CDYL: variants seen among roughly 807,000 people sequenced by gnomAD.
The protein encoded by CDYL is chromodomain Y-like protein.
Under a neutral mutation model 47.3 loss-of-function variants are expected in CDYL, and 8 were observed. The ratio of observed to expected loss-of-function variants is 0.17; its 90% confidence interval spans 0.10 to 0.31. The LOEUF (loss-of-function observed/expected upper bound fraction) is 0.31. CDYL is among the 10% of genes least tolerant of loss of function. The pLI, the probability that CDYL is intolerant of heterozygous loss-of-function variation, is 1.00. For synonymous variants in CDYL, 266 were observed against 265.0 expected, an observed-to-expected ratio of 1.00 and a Z score of -0.04; for missense variants, 471 against 701.4, an observed-to-expected ratio of 0.67 and a Z score of 3.71.
At chr6:4,819,162 C>CTCTCTCTGTGTGTGTGTGTG (rs1016051589) in intron 1 of CDYL, among the ~76,000 whole-genome samples, 2 of 112,002 alleles carry the variant, frequency 1.8e-5, no homozygotes, top group African/African-American at 9.6e-5. Flanking sequence ...CTCTCTCTCT[C>CTCTCTCTGTGTGTGTGTGTG]TGTGTGTGTG....
chr6:4,732,250 G>C (rs1030706359), intron 2 of CDYL, among the ~76,000 whole-genome samples: 1 of 152,100 alleles, frequency 6.6e-6, no homozygotes, highest in Admixed American at 6.6e-5. Context: ...CGGGAGGATT[G>C]CTTGAGCCCC....
intron 2 of CDYL, among the ~76,000 whole-genome samples, chr6:4,907,050 G>C (rs13212871): frequency 0.086 from 13,052 of 152,236 alleles, 948 homozygotes; most frequent in African/African-American, 0.19. Context: ...CTTGATTATA[G>C]AGTCTGTGTA....
intron 1 of CDYL, among the ~76,000 whole-genome samples, chr6:4,860,314 C>T (rs536426115): frequency 2.6e-5 from 4 of 151,608 alleles, no homozygotes; most frequent in Non-Finnish European, 4.4e-5. Context: ...TTGTTACCAC[C>T]GGTTCTTGCC....
chr6:4,944,920 T>C (rs1758466525), intron 5 of CDYL, among the ~76,000 whole-genome samples: 1 of 152,098 alleles, frequency 6.6e-6, no homozygotes, highest in Non-Finnish European at 1.5e-5. Flanking sequence ...CCTTCGTCGC[T>C]GCGTGGGATT....
intron 2 of CDYL, among the ~76,000 whole-genome samples, chr6:4,921,219 G>A (rs1232706027): frequency 1.3e-5 from 2 of 152,244 alleles, no homozygotes; most frequent in East Asian, 1.9e-4. Context: ...TGCCTAGTGC[G>A]TCACTTTCCA....
At chr6:4,716,192 G>A (rs940121237) in intron 2 of CDYL, among the ~76,000 whole-genome samples, 3 of 150,900 alleles carry the variant, frequency 2.0e-5, no homozygotes, top group Admixed American at 6.6e-5. Flanking sequence ...AGCTTGCAGT[G>A]AGCCCGAGAT....
chr6:4,724,805 G>C (rs751060434), intron 2 of CDYL: 1 of 152,160 alleles, frequency 6.6e-6, no homozygotes, highest in African/African-American at 2.4e-5. Context: ...TGGACTCAAA[G>C]AATTAGCAGC....
At chr6:4,924,342 C>T (rs906458952) in intron 2 of CDYL, among the ~76,000 whole-genome samples, 1 of 152,162 alleles carries the variant, frequency 6.6e-6, no homozygotes, top group Non-Finnish European at 1.5e-5. Flanking sequence ...GCTCCCTAAG[C>T]CTGTGGAGTC....
chr6:4,774,990 T>TG (rs1393853203), upstream of CDYL, among the ~76,000 whole-genome samples: 1 of 151,856 alleles, frequency 6.6e-6, no homozygotes, highest in Non-Finnish European at 1.5e-5. Context: ...TTCCTGGGCG[T>TG]GGGGAGGACA....
At chr6:4,904,075 G>C (rs1178870103) in intron 2 of CDYL, among the ~76,000 whole-genome samples, 1 of 152,210 alleles carries the variant, frequency 6.6e-6, no homozygotes, top group African/African-American at 2.4e-5. Flanking sequence ...CATTGTGGTT[G>C]ACAGAGCCAT....
chr6:4,849,818 T>C (rs1380085126), intron 1 of CDYL, among the ~76,000 whole-genome samples: 1 of 151,838 alleles, frequency 6.6e-6, no homozygotes, highest in Admixed American at 6.6e-5. Context: ...ACTGCCTTCA[T>C]GAAGCTCACA....
intron 1 of CDYL, among the ~76,000 whole-genome samples, chr6:4,850,987 A>G (rs1417640174): frequency 6.6e-6 from 1 of 152,212 alleles, no homozygotes; most frequent in East Asian, 1.9e-4. Flanking sequence ...GCAATGACTA[A>G]TTAAAACTGA....
At chr6:4,738,615 A>T (rs1757743535) in intron 3 of CDYL, among the ~76,000 whole-genome samples, 2 of 152,230 alleles carry the variant, frequency 1.3e-5, no homozygotes, top group Non-Finnish European at 2.9e-5. Flanking sequence ...CTTTGGAGAA[A>T]AAGTTGGCAT....
At chr6:4,946,103 G>A (rs1440404391) in intron 5 of CDYL, among the ~76,000 whole-genome samples, 1 of 152,146 alleles carries the variant, frequency 6.6e-6, no homozygotes, top group Non-Finnish European at 1.5e-5. Context: ...TAGCAACAGC[G>A]ACTGCATCAG....
At chr6:4,706,360 A>G (rs1461264263) in intron 1 of CDYL, 1 of 152,036 alleles carries the variant, frequency 6.6e-6, no homozygotes, top group African/African-American at 2.4e-5. Flanking sequence ...TGGAGCTACA[A>G]TGTTTTTGAA....
intron 3 of CDYL, among the ~76,000 whole-genome samples, chr6:4,768,456 A>T (rs1169441054): frequency 6.6e-6 from 1 of 152,220 alleles, no homozygotes; most frequent in Non-Finnish European, 1.5e-5. Flanking sequence ...TATGTCAAAG[A>T]TGCACAGAAG....
At chr6:4,910,148 C>T (rs1462951217) in intron 2 of CDYL, among the ~76,000 whole-genome samples, 2 of 152,056 alleles carry the variant, frequency 1.3e-5, no homozygotes, top group Non-Finnish European at 2.9e-5. Context: ...AGCGCTCAGC[C>T]ACAGTTCTAG....
intron 2 of CDYL, among the ~76,000 whole-genome samples, chr6:4,934,233 A>G (rs998783474): frequency 3.9e-5 from 6 of 152,206 alleles, no homozygotes; most frequent in Non-Finnish European, 7.3e-5. Context: ...GATCCTGTGT[A>G]AACAGGATCA....
chr6:4,734,759 T>C (rs1412834870), intron 2 of CDYL: 8 of 1,613,954 alleles, frequency 5.0e-6, no homozygotes, highest in Non-Finnish European at 6.8e-6. Context: ...TATTCTGTGC[T>C]AGTGTCAGCA....
Sources: gnomAD v4.1 joint callset for allele counts (sites outside exome capture counted in the v4.1 genomes callset) on GRCh38, gnomAD v4.1.1 for gene constraint, MANE v1.5 for transcripts, NCBI Gene and HGNC (gene_info 2026-07-23, HGNC 2026-07-21) for gene names.